RASSF8: variants seen among roughly 807,000 people sequenced by gnomAD.
RASSF8 encodes the protein Ras association domain family member 8, also known as ras association domain-containing protein 8.
A neutral mutation model predicts 48.5 loss-of-function variants in RASSF8; 22 were observed. The observed-to-expected ratio is 0.45, with a 90% CI of 0.32 to 0.65. RASSF8 has a LOEUF of 0.65. RASSF8 is among the 30% of genes least tolerant of loss of function. The pLI is 0.03. For missense variants in RASSF8, 418 were observed against 489.2 expected (o/e 0.85, Z 1.37); for synonymous variants, 127 against 171.5 (o/e 0.74, Z 2.03).
chr12:26,063,627 TG>T (rs796468948), intron 3 of RASSF8, among the ~76,000 whole-genome samples: 206 of 152,290 alleles, frequency 1.4e-3, no homozygotes, highest in African/African-American at 4.8e-3. Flanking sequence ...CTCAAACTCC[TG>T]GGCTCAAGAA....
At chr12:26,039,856 AAATT>A (rs1943227916) in intron 2 of RASSF8, among the ~76,000 whole-genome samples, 1 of 152,224 alleles carries the variant, frequency 6.6e-6, no homozygotes, top group South Asian at 2.1e-4. Flanking sequence ...TAATGTAAAG[AAATT>A]AATTGATTTG....
At chr12:25,983,171 A>G (rs1421114772) in intron 1 of RASSF8, among the ~76,000 whole-genome samples, 1 of 152,262 alleles carries the variant, frequency 6.6e-6, no homozygotes, top group African/African-American at 2.4e-5. Flanking sequence ...TGTCAGAAAG[A>G]ATGTAAAATA....
chr12:25,974,934 A>G (rs530205953), intron 1 of RASSF8, among the ~76,000 whole-genome samples: 128 of 152,292 alleles, frequency 8.4e-4, no homozygotes, highest in African/African-American at 2.9e-3. Flanking sequence ...CAAGCTGGCT[A>G]TGCAAAAACA....
At chr12:25,978,311 T>C (rs1431588806) in intron 1 of RASSF8, among the ~76,000 whole-genome samples, 2 of 152,188 alleles carry the variant, frequency 1.3e-5, no homozygotes, top group Non-Finnish European at 2.9e-5. Flanking sequence ...AACATCCTTA[T>C]ATATTCTGGA....
At chr12:25,960,244 T>G (rs748993862) in intron 1 of RASSF8, among the ~76,000 whole-genome samples, 3 of 152,192 alleles carry the variant, frequency 2.0e-5, no homozygotes, top group Non-Finnish European at 2.9e-5. Context: ...TTATTTTCTT[T>G]TTTGCCTTTC....
chr12:26,063,263 CAAATG>C (rs1943786591), intron 3 of RASSF8, among the ~76,000 whole-genome samples: 1 of 152,104 alleles, frequency 6.6e-6, no homozygotes, highest in Admixed American at 6.5e-5. Flanking sequence ...CTGACCCACT[CAAATG>C]AAAATATTTA....
Position 26,071,332 on chromosome 12 carries a change from A to G in RASSF8, c.*2514A>G, listed in dbSNP as rs1375639026. The G allele has an allele frequency of 6.2e-6, 6 of 972,520 alleles. No individual in the cohort carries two copies. The highest frequency in any genetic ancestry group is 7.3e-6 in the Non-Finnish European group (6 of 818,314). The allele number at this position is 972,520 out of a possible 1,614,324, so 60.2% of individuals were successfully genotyped here. ...GTAGTGGGCAATGGTATACAAAAAT[A>G]CCAAATATAAAATTTTCATCTGGGG... On this transcript the variant is annotated 3_prime_UTR_variant, in exon 6 of 6. Transcript: ENST00000689635.
At chr12:26,046,634 C>G (rs1237141215) in intron 2 of RASSF8, among the ~76,000 whole-genome samples, 1 of 151,762 alleles carries the variant, frequency 6.6e-6, no homozygotes, top group Non-Finnish European at 1.5e-5. Context: ...ACCAGAAGTT[C>G]AAGACCAGCT....
chr12:26,006,194 C>T (rs1228265856), intron 2 of RASSF8, among the ~76,000 whole-genome samples: 6 of 152,200 alleles, frequency 3.9e-5, no homozygotes, highest in Admixed American at 3.9e-4. Flanking sequence ...CTATCCTTTT[C>T]TTCTTCCCTT....
intron 1 of RASSF8, among the ~76,000 whole-genome samples, chr12:25,967,052 T>C (rs1172817750): frequency 1.3e-5 from 2 of 152,254 alleles, no homozygotes; most frequent in East Asian, 3.8e-4. Flanking sequence ...TTTGCACCCT[T>C]GTCAAAAATC....
intron 1 of RASSF8, among the ~76,000 whole-genome samples, chr12:25,968,577 C>T (rs553287292): frequency 6.6e-6 from 1 of 152,282 alleles, no homozygotes; most frequent in South Asian, 2.1e-4. Context: ...CTCCTGACCT[C>T]AGGTAATCCA....
At chr12:26,035,769 A>G (rs57082706) in intron 2 of RASSF8, among the ~76,000 whole-genome samples, 6 of 144,646 alleles carry the variant, frequency 4.1e-5, no homozygotes, top group South Asian at 2.1e-4. Context: ...ATATCACTAT[A>G]TATCTGATAT....
intron 1 of RASSF8, among the ~76,000 whole-genome samples, chr12:25,971,841 A>C (rs960002956): frequency 4.6e-5 from 7 of 152,230 alleles, no homozygotes; most frequent in Non-Finnish European, 7.3e-5. Context: ...TTGGCTCTGG[A>C]ACTGGTATTT....
chr12:25,995,258 T>A (rs916250768), intron 2 of RASSF8, 128 bp downstream of exon 2: 1 of 152,220 alleles, frequency 6.6e-6, no homozygotes, highest in South Asian at 2.1e-4. Flanking sequence ...AGTAAAGTCT[T>A]AAGAATCATC....
chr12:26,036,634 G>A (rs753488772), intron 2 of RASSF8, among the ~76,000 whole-genome samples: 11 of 152,000 alleles, frequency 7.2e-5, no homozygotes, highest in South Asian at 2.1e-4. Flanking sequence ...CTGGTCGAGC[G>A]CAGTGGCTCA....
rs756137694 is a variant in RASSF8, at chr12:26,065,355, A to G, written c.961A>G (p.Arg321Gly). ...GGAAAATGGCATCAAAGCTGTGGAA[A>G]GATCTCTTGGACAAGCCACCAAACG... ...RLENGIKAVE[R>G]SLGQATKRLQ... The change falls in exon 4 of 6, where the codon AGA (arginine) becomes GGA (glycine). Residue 321 changes from arginine (R) to glycine (G), a missense_variant. Physicochemically the swap from Arg to Gly is moderately radical, Grantham distance 125 (BLOSUM62 -2). Transcript: ENST00000689635. 1.9e-6 allele frequency: 3 copies of G among 1,613,706 alleles called. No homozygotes were observed. The highest frequency in any genetic ancestry group is 2.5e-6 in the Non-Finnish European group (3 of 1,179,776).
chr12:26,057,301 C>T (rs562478170), intron 3 of RASSF8, among the ~76,000 whole-genome samples: 101 of 152,262 alleles, frequency 6.6e-4, no homozygotes, highest in African/African-American at 2.3e-3. Flanking sequence ...ACAACAGGCC[C>T]GGTGTGTGGT....
At chr12:26,045,273 A>G (rs1183906400) in intron 2 of RASSF8, among the ~76,000 whole-genome samples, 3 of 152,152 alleles carry the variant, frequency 2.0e-5, no homozygotes, top group Non-Finnish European at 2.9e-5. Context: ...TAAAGCATTT[A>G]ATATTTTATC....
chr12:26,006,496 A>G (rs1942394791), intron 2 of RASSF8, among the ~76,000 whole-genome samples: 1 of 152,238 alleles, frequency 6.6e-6, no homozygotes, highest in Admixed American at 6.5e-5. Flanking sequence ...CATCCTTTTT[A>G]TTAAAATAGT....
Sources: gnomAD v4.1 joint callset for allele counts (sites outside exome capture counted in the v4.1 genomes callset) on GRCh38, gnomAD v4.1.1 for gene constraint, MANE v1.5 for transcripts, NCBI Gene and HGNC (gene_info 2026-07-23, HGNC 2026-07-21) for gene names.